The following PRKD1 variants were observed in gnomAD, a reference collection of about 807,000 sequenced individuals.
The protein encoded by PRKD1 is serine/threonine-protein kinase D1.
PRKD1 carries 63 observed loss-of-function variants against 95.9 expected under a neutral mutation model. The observed-to-expected ratio is 0.66, with a 90% confidence interval of 0.54 to 0.81. The LOEUF (loss-of-function observed/expected upper bound fraction) is 0.81. Among genes scored for constraint, PRKD1 ranks in the 30% least tolerant of loss-of-function variants. PRKD1 has a pLI of 0.00. For missense variants in PRKD1, 1,048 were observed against 1,165.3 expected, an observed-to-expected ratio of 0.90 and a Z score of 1.47; for synonymous variants, 425 against 423.1, an observed-to-expected ratio of 1.00 and a Z score of -0.05.
At chr14:29,810,204 G>A (rs1396710667) in intron 1 of PRKD1, among the ~76,000 whole-genome samples, 1 of 152,138 alleles carries the variant, frequency 6.6e-6, no homozygotes, top group African/African-American at 2.4e-5. Flanking sequence ...TTGAAAAATG[G>A]TGATAATTAC....
At chr14:29,753,543 T>C (rs1233410742) in intron 1 of PRKD1, among the ~76,000 whole-genome samples, 1 of 152,166 alleles carries the variant, frequency 6.6e-6, no homozygotes, top group African/African-American at 2.4e-5. Context: ...CATTCCCCTT[T>C]CTTTTGCAAA....
chr14:29,588,524 T>G (rs1173119932), intron 16 of PRKD1, among the ~76,000 whole-genome samples: 1 of 152,218 alleles, frequency 6.6e-6, no homozygotes, highest in Non-Finnish European at 1.5e-5. Context: ...AGCCATTCTA[T>G]GCCTTGAGAT....
At chr14:29,766,445 T>C (rs553958805) in intron 1 of PRKD1, among the ~76,000 whole-genome samples, 2 of 152,314 alleles carry the variant, frequency 1.3e-5, no homozygotes, top group East Asian at 3.9e-4. Flanking sequence ...TTTAATCTTA[T>C]AGACAGCATT....
chr14:29,916,560 T>A (rs1456889580), intron 1 of PRKD1, among the ~76,000 whole-genome samples: 1 of 152,186 alleles, frequency 6.6e-6, no homozygotes, highest in African/African-American at 2.4e-5. Context: ...TTTGGTCAAG[T>A]GGTCATAACC....
intron 1 of PRKD1, among the ~76,000 whole-genome samples, chr14:29,860,275 G>A (rs567454594): frequency 5.3e-4 from 80 of 152,252 alleles, no homozygotes; most frequent in Non-Finnish European, 1.0e-3. Context: ...AGGCTGCGGA[G>A]GGAAAAAAGT....
chr14:29,650,003 A>G (rs1305237789), intron 4 of PRKD1, among the ~76,000 whole-genome samples: 1 of 152,058 alleles, frequency 6.6e-6, no homozygotes, highest in Non-Finnish European at 1.5e-5. Flanking sequence ...ACACACACTC[A>G]TACACTTCCC....
intron 1 of PRKD1, among the ~76,000 whole-genome samples, chr14:29,791,607 C>G (rs1415446200): frequency 6.6e-6 from 1 of 152,100 alleles, no homozygotes; most frequent in African/African-American, 2.4e-5. Flanking sequence ...TTTCACTCAG[C>G]ATAATTATTT....
intron 1 of PRKD1, among the ~76,000 whole-genome samples, chr14:29,766,153 G>C (rs931893421): frequency 1.3e-5 from 2 of 152,174 alleles, no homozygotes. Flanking sequence ...GCTGCACTGA[G>C]TTAAATTCCA....
chr14:29,853,650 T>G (rs1444327947), intron 1 of PRKD1, among the ~76,000 whole-genome samples: 1 of 152,236 alleles, frequency 6.6e-6, no homozygotes, highest in Non-Finnish European at 1.5e-5. Context: ...GTTACACTTG[T>G]GGAAGGATTC....
intron 1 of PRKD1, among the ~76,000 whole-genome samples, chr14:29,906,735 T>C (rs1442566035): frequency 1.3e-5 from 2 of 152,248 alleles, no homozygotes; most frequent in Non-Finnish European, 2.9e-5. Flanking sequence ...CTGCTGAATG[T>C]TCCCTGTCAG....
chr14:29,904,040 A>C (rs924140567), intron 1 of PRKD1, among the ~76,000 whole-genome samples: 2 of 152,174 alleles, frequency 1.3e-5, no homozygotes, highest in Non-Finnish European at 2.9e-5. Context: ...AAACTTGGAA[A>C]CATTTGGCAA....
At chr14:29,607,003 G>A (rs1172054653) in intron 13 of PRKD1, among the ~76,000 whole-genome samples, 1 of 152,130 alleles carries the variant, frequency 6.6e-6, no homozygotes, top group African/African-American at 2.4e-5. Context: ...CAAATCTTAT[G>A]TAAAATAGGA....
At chr14:29,860,482 A>C (rs1322090881) in intron 1 of PRKD1, among the ~76,000 whole-genome samples, 1 of 151,530 alleles carries the variant, frequency 6.6e-6, no homozygotes, top group African/African-American at 2.5e-5. Context: ...GAGTTGCTGC[A>C]ATCAACCCAA....
chr14:29,898,953 T>A (rs1377485480), intron 1 of PRKD1, among the ~76,000 whole-genome samples: 2 of 152,232 alleles, frequency 1.3e-5, no homozygotes, highest in Non-Finnish European at 2.9e-5. Context: ...ATTTTAATAC[T>A]CATCCAGAAG....
intron 1 of PRKD1, among the ~76,000 whole-genome samples, chr14:29,805,069 T>C (rs910093313): frequency 6.6e-6 from 1 of 152,238 alleles, no homozygotes; most frequent in African/African-American, 2.4e-5. Context: ...CAAATTTTAA[T>C]AGCCTTAAGA....
chr14:29,697,676 TAGA>T (rs1186227558), intron 2 of PRKD1, among the ~76,000 whole-genome samples: 1 of 152,206 alleles, frequency 6.6e-6, no homozygotes, highest in Non-Finnish European at 1.5e-5. Flanking sequence ...AAGAAAATTT[TAGA>T]AGATCACACT....
Position 29,764,303 on chromosome 14 carries a change from T to TA in PRKD1, c.265-38630dup, listed in dbSNP as rs562767211. Reference sequence around the variant, plus strand: ...AAAAAAAAATCTAAAAAGTACTATTTAAAAAAAAATAAATACCTTTAAATC... The same window carrying TA: ...AAAAAAAAATCTAAAAAGTACTATTTAAAAAAAAAATAAATACCTTTAAATC... On this transcript the variant is annotated intron_variant, in intron 1 of 17. Coordinates refer to ENST00000331968, the MANE Select transcript of PRKD1 (RefSeq NM_002742.3). 1.7e-4 allele frequency among the ~76,000 whole-genome samples: 26 copies of TA among 151,290 alleles called. No homozygotes were observed. The South Asian group carries it at 3.8e-3, about 22-fold the overall frequency.
intron 2 of PRKD1, among the ~76,000 whole-genome samples, chr14:29,722,864 G>A (rs1037223171): frequency 3.9e-5 from 6 of 152,142 alleles, no homozygotes; most frequent in South Asian, 2.1e-4. Context: ...ATAATAAGTC[G>A]CATGCTATGT....
chr14:29,695,971 C>T (rs559936960), intron 2 of PRKD1, among the ~76,000 whole-genome samples: 3 of 152,124 alleles, frequency 2.0e-5, no homozygotes, highest in South Asian at 2.1e-4. Flanking sequence ...AGCATTTAGG[C>T]GAAAAAATAC....
Sources: gnomAD v4.1 joint callset for allele counts (sites outside exome capture counted in the v4.1 genomes callset) on GRCh38, gnomAD v4.1.1 for gene constraint, MANE v1.5 for transcripts, NCBI Gene and HGNC (gene_info 2026-07-23, HGNC 2026-07-21) for gene names.